The following RIC1 variants were observed in gnomAD, a reference collection of about 807,000 sequenced individuals.
RIC1 encodes the protein guanine nucleotide exchange factor subunit RIC1.
A neutral mutation model predicts 169.0 loss-of-function variants in RIC1; 88 were observed. That is an observed-to-expected ratio of 0.52 (90% CI 0.44 to 0.62). The LOEUF (loss-of-function observed/expected upper bound fraction) is 0.62, where lower values mean the gene tolerates loss of function less well. RIC1 is among the 20% of genes least tolerant of loss of function. The pLI, the probability that RIC1 is intolerant of heterozygous loss-of-function variation, is 0.00. For synonymous variants in RIC1, 790 were observed against 601.5 expected, an observed-to-expected ratio of 1.31 and a Z score of -4.59; for missense variants, 1,877 against 1,725.5, an observed-to-expected ratio of 1.09 and a Z score of -1.56.
intron 3 of RIC1, among the ~76,000 whole-genome samples, chr9:5,702,712 T>G (rs13298769): frequency 0.044 from 6,639 of 152,124 alleles, 268 homozygotes; most frequent in African/African-American, 0.099. Context: ...CTAATTTTTT[T>G]TGTGTGTGTA....
At chr9:5,747,252 TTTTA>T (rs1238417591) in intron 11 of RIC1, 46 bp from the exon 12 acceptor site, 4 of 1,440,592 alleles carry the variant, frequency 2.8e-6, no homozygotes, top group Admixed American at 3.4e-5. Context: ...ATTGAGTTGT[TTTTA>T]TTTGTTTTCC....
chr9:5,652,087 G>C (rs1818835374), intron 1 of RIC1, among the ~76,000 whole-genome samples: 1 of 151,312 alleles, frequency 6.6e-6, no homozygotes, highest in Admixed American at 6.6e-5. Context: ...TTTATTGCCA[G>C]TACCATGGTG....
intron 1 of RIC1, among the ~76,000 whole-genome samples, chr9:5,655,396 G>C (rs1453707195): frequency 6.6e-6 from 1 of 152,070 alleles, no homozygotes; most frequent in East Asian, 1.9e-4. Context: ...CACCTCTCAG[G>C]TTCAAGTGAT....
At chr9:5,737,601 T>C (rs984220699) in intron 7 of RIC1, among the ~76,000 whole-genome samples, 5 of 111,168 alleles carry the variant, frequency 4.5e-5, no homozygotes, top group African/African-American at 1.9e-4. Flanking sequence ...CACACACACA[T>C]GTTTTATATC....
rs13291175 is a variant in RIC1 at position 5,645,446 on chromosome 9, A to G, written c.145-11137A>G. ...TATATACTTCGCAAAGTTCTGCAGC[A>G]TTAAGTACATTCACATTATCATGTA... On this transcript the variant is annotated intron_variant, in intron 1 of 25. Coordinates refer to ENST00000414202, the MANE Select transcript of RIC1 (RefSeq NM_020829.4). Among the ~76,000 whole-genome samples the G allele has an allele frequency of 6.4e-3, 976 of 152,374 alleles. 10 individuals carry two copies. Among genetic ancestry groups the G allele is most frequent in the South Asian group, 0.028 (137 of 4,828 alleles).
intron 25 of RIC1, among the ~76,000 whole-genome samples, 177 bp from the exon 26 acceptor site, chr9:5,773,781 C>G (rs115501769): frequency 9.7e-4 from 148 of 152,288 alleles, no homozygotes; most frequent in African/African-American, 3.4e-3. Context: ...TGTGCAGCCC[C>G]CTCTGCTGGG....
intron 21 of RIC1, 52 bp from the exon 22 acceptor site, chr9:5,768,918 G>A (rs1429847232): frequency 3.9e-6 from 6 of 1,541,802 alleles, no homozygotes; most frequent in Non-Finnish European, 5.2e-6. Flanking sequence ...ATAAGGATGT[G>A]AAATCCTCCA....
chr9:5,680,952 G>A (rs1194753059), intron 2 of RIC1, among the ~76,000 whole-genome samples: 1 of 143,420 alleles, frequency 7.0e-6, no homozygotes, highest in Non-Finnish European at 1.5e-5. Context: ...TCAGCCTCCC[G>A]AGTAGCTGGG....
intron 15 of RIC1, among the ~76,000 whole-genome samples, chr9:5,755,865 G>C (rs1825977499): frequency 1.3e-5 from 2 of 152,152 alleles, no homozygotes; most frequent in Non-Finnish European, 2.9e-5. Context: ...GGAGGGTGCA[G>C]TGAGCCGAGA....
At chr9:5,661,421 G>C (rs1012249430) in intron 2 of RIC1, among the ~76,000 whole-genome samples, 5 of 152,100 alleles carry the variant, frequency 3.3e-5, no homozygotes, top group African/African-American at 1.2e-4. Flanking sequence ...AAATTACTTT[G>C]GGTAGTATAA....
chr9:5,667,902 G>A (rs1043263107), intron 2 of RIC1, among the ~76,000 whole-genome samples: 1 of 152,066 alleles, frequency 6.6e-6, no homozygotes, highest in Non-Finnish European at 1.5e-5. Flanking sequence ...CTTTATAGCA[G>A]CACCCCACTC....
chr9:5,732,704 C>T (rs1019815493), intron 7 of RIC1, among the ~76,000 whole-genome samples: 1 of 152,080 alleles, frequency 6.6e-6, no homozygotes, highest in African/African-American at 2.4e-5. Context: ...TAAAAGTTAG[C>T]GTTTTCTTCA....
At chr9:5,733,907 A>T (rs115138648) in intron 7 of RIC1, among the ~76,000 whole-genome samples, 3,372 of 151,374 alleles carry the variant, frequency 0.022, 137 homozygotes, top group African/African-American at 0.077. Flanking sequence ...TGTCTTCTCT[A>T]TTCATCTTTG....
intron 15 of RIC1, 52 bp downstream of exon 15, chr9:5,754,982 G>T: frequency 8.5e-7 from 1 of 1,177,250 alleles, no homozygotes; most frequent in Non-Finnish European, 1.2e-6. Flanking sequence ...AAGCTATTAA[G>T]CATGAATTAA....
At chr9:5,699,080 C>G (rs77537488) in intron 3 of RIC1, among the ~76,000 whole-genome samples, 2,059 of 152,260 alleles carry the variant, frequency 0.014, 68 homozygotes, top group African/African-American at 0.047. Flanking sequence ...CTTGAAAATT[C>G]CAAGTATTAA....
At chr9:5,648,326 T>C (rs1276848513) in intron 1 of RIC1, among the ~76,000 whole-genome samples, 1 of 152,148 alleles carries the variant, frequency 6.6e-6, no homozygotes, top group Non-Finnish European at 1.5e-5. Context: ...TATCTTGAGA[T>C]AGTTTGCTTC....
At chr9:5,749,971 G>T (rs1825628073) in intron 12 of RIC1, among the ~76,000 whole-genome samples, 1 of 151,562 alleles carries the variant, frequency 6.6e-6, no homozygotes, top group African/African-American at 2.4e-5. Flanking sequence ...TAGAGACGGG[G>T]TTTCACCATG....
chr9:5,754,764 G>A, intron 14 of RIC1, 77 bp from the exon 15 acceptor site: 1 of 868,162 alleles, frequency 1.2e-6, no homozygotes. Context: ...GTCTGGGTAA[G>A]AATTTTTATA....
chr9:5,731,097 T>G (rs1824346956), intron 6 of RIC1, among the ~76,000 whole-genome samples: 3 of 152,282 alleles, frequency 2.0e-5, no homozygotes, highest in African/African-American at 7.2e-5. Flanking sequence ...TGCTTAATTT[T>G]TTTTGTATAG....
Sources: allele counts gnomAD v4.1 joint callset (sites outside exome capture counted in the v4.1 genomes callset), GRCh38; gene constraint gnomAD v4.1.1; transcripts MANE v1.5; gene names NCBI Gene and HGNC (gene_info 2026-07-23, HGNC 2026-07-21).